FAM169A: variants seen among roughly 807,000 people sequenced by gnomAD.
The protein encoded by FAM169A is family with sequence similarity 169 member A, also known as soluble lamin-associated protein of 75 kDa.
Under a neutral mutation model 75.7 loss-of-function variants are expected in FAM169A, and 24 were observed. That is an observed-to-expected ratio of 0.32 (90% CI 0.23 to 0.45). The LOEUF (loss-of-function observed/expected upper bound fraction) is 0.45. Ranked by LOEUF, FAM169A falls within the 20% of genes least tolerant of loss-of-function variation. The pLI, the probability that FAM169A is intolerant of heterozygous loss-of-function variation, is 1.00. For missense variants in FAM169A, 673 were observed against 784.0 expected (o/e 0.86, Z 1.69); for synonymous variants, 271 against 271.0 (o/e 1.00, Z 0.00).
intron 6 of FAM169A, among the ~76,000 whole-genome samples, chr5:74,810,751 CAAAAAAAAAA>C (rs750402413): frequency 1.9e-5 from 1 of 52,542 alleles, no homozygotes; most frequent in Non-Finnish European, 3.1e-5. Flanking sequence ...GACTCCGTCT[CAAAAAAAAAA>C]AAAAAAAAAA....
At chr5:74,805,988 A>G (rs911453650) in intron 6 of FAM169A, among the ~76,000 whole-genome samples, 2 of 151,538 alleles carry the variant, frequency 1.3e-5, no homozygotes, top group Non-Finnish European at 2.9e-5. Flanking sequence ...AAAAAAAAAA[A>G]AAAAAGAAAT....
intron 6 of FAM169A, among the ~76,000 whole-genome samples, chr5:74,811,595 G>A (rs1185639258): frequency 6.6e-6 from 1 of 152,090 alleles, no homozygotes; most frequent in African/African-American, 2.4e-5. Flanking sequence ...TATTTTCAGT[G>A]GAAATAAATG....
At chr5:74,859,909 A>G (rs973585032) in intron 1 of FAM169A, among the ~76,000 whole-genome samples, 1 of 152,180 alleles carries the variant, frequency 6.6e-6, no homozygotes, top group Admixed American at 6.5e-5. Context: ...GGGTGGGTGT[A>G]GAGAGATAAT....
chr5:74,835,253 T>C (rs1748512010), intron 4 of FAM169A, among the ~76,000 whole-genome samples: 1 of 152,102 alleles, frequency 6.6e-6, no homozygotes, highest in Non-Finnish European at 1.5e-5. Flanking sequence ...CAGGGCTACA[T>C]GGTCACAGGG....
chr5:74,831,321 A>G (rs1748299568), intron 5 of FAM169A, among the ~76,000 whole-genome samples: 1 of 152,330 alleles, frequency 6.6e-6, no homozygotes, highest in South Asian at 2.1e-4. Flanking sequence ...TGAGTTGTAC[A>G]GTAGACTAAA....
rs1746984151 is a variant in FAM169A, at chr5:74,808,168, C to T, written c.671-2884G>A. Reference sequence around the variant, plus strand: ...GCAGAGACTCAAACAGGTATCTGTACACCAACATTCATTGAAGCATTATTC... The same window carrying T: ...GCAGAGACTCAAACAGGTATCTGTATACCAACATTCATTGAAGCATTATTC... On this transcript the variant is annotated intron_variant, in intron 6 of 12. Transcript: ENST00000687041. Among the ~76,000 whole-genome samples, 5 of 152,300 alleles carry T rather than the reference C, an allele frequency of 3.3e-5. No individual in the cohort carries two copies. The South Asian group carries it at 1.0e-3, about 32-fold the overall frequency.
At chr5:74,838,149 C>CAT (rs1183464239) in intron 4 of FAM169A, among the ~76,000 whole-genome samples, 9 of 150,754 alleles carry the variant, frequency 6.0e-5, no homozygotes, top group Non-Finnish European at 1.2e-4. Context: ...TCATGATCCT[C>CAT]ATTAAGGCTC....
chr5:74,821,848 A>T (rs1747780672), intron 5 of FAM169A, among the ~76,000 whole-genome samples: 1 of 152,184 alleles, frequency 6.6e-6, no homozygotes, highest in Non-Finnish European at 1.5e-5. Flanking sequence ...ATAGGGCATC[A>T]GCTAGGGCAC....
intron 1 of FAM169A, among the ~76,000 whole-genome samples, chr5:74,842,949 A>C (rs1232717750): frequency 6.6e-6 from 1 of 152,140 alleles, no homozygotes; most frequent in Non-Finnish European, 1.5e-5. Context: ...AATTCAAAAG[A>C]ATCCATGAAA....
chr5:74,849,948 C>T (rs575854482), intron 1 of FAM169A, among the ~76,000 whole-genome samples: 9 of 152,242 alleles, frequency 5.9e-5, no homozygotes, highest in East Asian at 1.9e-4. Flanking sequence ...TGGGTTAGGA[C>T]GGCCTATAAA....
rs1166971460 is a variant in FAM169A at position 74,778,958 on chromosome 5, A to G, written c.*2502T>C. The G allele has an allele frequency of 6.6e-6, 1 of 152,130 alleles. No individual in the cohort carries two copies. Among genetic ancestry groups the G allele is most frequent in the Non-Finnish European group, 1.5e-5 (1 of 67,944 alleles). 9.4% of individuals were successfully genotyped at this position (152,130 alleles called of 1,614,324 possible). A position where few individuals can be genotyped will look rare whatever the true frequency, so the allele number is the denominator to read the frequency against. On this transcript the variant is annotated 3_prime_UTR_variant, in exon 13 of 13. Transcript: ENST00000687041. The stretch of plus-strand genomic sequence containing the variant: ...TTCATGTAGGTTCCTTATTGAAGAT[A>G]AATTGTGGTATAAATTCTATACTCA...
intron 6 of FAM169A, among the ~76,000 whole-genome samples, chr5:74,813,193 C>T (rs544555931): frequency 3.3e-5 from 5 of 152,278 alleles, no homozygotes; most frequent in East Asian, 1.9e-4. Flanking sequence ...CGAATTGGTA[C>T]AGGGTTTCTT....
In FAM169A at chr5:74,813,998, A is replaced by C. The variant is rs1294484806; in HGVS notation, c.512T>G (p.Leu171Arg). 1 of 1,583,258 alleles carries C rather than the reference A, an allele frequency of 6.3e-7. No individual in the cohort carries two copies. The highest frequency in any genetic ancestry group is 1.4e-5 in the African/African-American group (1 of 73,366). ...KPTGSICASF[L>R]TQSYQLPVLD... Reference sequence around the variant, plus strand: ...AACTGGCAATTGGTAACTTTGGGTAAGAAAAGAGGCACATATGCTTCCTGC... The same window carrying C: ...AACTGGCAATTGGTAACTTTGGGTACGAAAAGAGGCACATATGCTTCCTGC... Residue 171 changes from leucine (L) to arginine (R), a missense_variant, in exon 6 of 13, where the codon CTT becomes CGT. Physicochemically the swap from Leu to Arg is moderately radical, Grantham distance 102. Transcript: ENST00000687041.
At chr5:74,863,323 C>A (rs896434312) in intron 1 of FAM169A, among the ~76,000 whole-genome samples, 1 of 152,136 alleles carries the variant, frequency 6.6e-6, no homozygotes, top group Non-Finnish European at 1.5e-5. Context: ...ACCACTGAGG[C>A]ATACCAAATT....
At chr5:74,812,752 T>C (rs1278759574) in intron 6 of FAM169A, among the ~76,000 whole-genome samples, 1 of 152,010 alleles carries the variant, frequency 6.6e-6, no homozygotes, top group African/African-American at 2.4e-5. Flanking sequence ...AAAGCAAAAC[T>C]ATGAGATGCC....
intron 1 of FAM169A, among the ~76,000 whole-genome samples, chr5:74,846,015 A>T (rs1056789763): frequency 6.6e-6 from 1 of 152,252 alleles, no homozygotes; most frequent in Non-Finnish European, 1.5e-5. Flanking sequence ...ACAAATGGTC[A>T]ATAGTGGATA....
At chr5:74,842,994 T>C (rs1046325823) in intron 1 of FAM169A, among the ~76,000 whole-genome samples, 4 of 150,074 alleles carry the variant, frequency 2.7e-5, no homozygotes, top group Admixed American at 6.7e-5. Flanking sequence ...TTTAGTAAAA[T>C]AGGACATAAA....
intron 1 of FAM169A, among the ~76,000 whole-genome samples, chr5:74,842,998 A>G (rs750823205): frequency 6.6e-5 from 10 of 152,270 alleles, no homozygotes; most frequent in Middle Eastern, 3.4e-3. Flanking sequence ...GTAAAATAGG[A>G]CATAAAATTA....
chr5:74,836,549 A>G (rs1748582297), intron 4 of FAM169A, among the ~76,000 whole-genome samples: 2 of 152,250 alleles, frequency 1.3e-5, no homozygotes, highest in Admixed American at 6.5e-5. Context: ...GTGTTTGTTA[A>G]GTACAAAAAG....
Sources: gnomAD v4.1 joint callset for allele counts (sites outside exome capture counted in the v4.1 genomes callset) on GRCh38, gnomAD v4.1.1 for gene constraint, MANE v1.5 for transcripts, NCBI Gene and HGNC (gene_info 2026-07-23, HGNC 2026-07-21) for gene names.